Variants in CNTNAP2 observed in about 807,000 individuals in gnomAD.
CNTNAP2 encodes contactin-associated protein-like 2.
A neutral mutation model predicts 155.2 loss-of-function variants in CNTNAP2; 98 were observed. That is an observed-to-expected ratio of 0.63 (90% CI 0.54 to 0.75). CNTNAP2 has a LOEUF of 0.75. Among genes scored for constraint, CNTNAP2 ranks in the 30% least tolerant of loss-of-function variants. The pLI is 0.00. For synonymous variants in CNTNAP2, 651 were observed against 631.2 expected (o/e 1.03, Z -0.47); for missense variants, 1,727 against 1,688.1 (o/e 1.02, Z -0.40).
At chr7:148,222,941 TC>T (rs1260087123) in intron 19 of CNTNAP2, among the ~76,000 whole-genome samples, 1 of 152,204 alleles carries the variant, frequency 6.6e-6, no homozygotes, top group African/African-American at 2.4e-5. Context: ...TGTTTGCTCA[TC>T]CATAAAATAG....
chr7:147,866,526 G>A (rs6942554), intron 13 of CNTNAP2, among the ~76,000 whole-genome samples: 91,020 of 151,908 alleles, frequency 0.6, 27,577 homozygotes, highest in Middle Eastern at 0.7. Context: ...GGGTGTTAAA[G>A]TCTCCCATTA....
At chr7:147,969,924 TTTTATTTTA>T (rs1801303729) in intron 14 of CNTNAP2, among the ~76,000 whole-genome samples, 1 of 151,470 alleles carries the variant, frequency 6.6e-6, no homozygotes, top group Non-Finnish European at 1.5e-5. Context: ...TTTTATTTTA[TTTTATTTTA>T]TTTATTTTAT....
chr7:148,002,859 T>C (rs1801920905), intron 15 of CNTNAP2, among the ~76,000 whole-genome samples: 1 of 152,162 alleles, frequency 6.6e-6, no homozygotes, highest in Non-Finnish European at 1.5e-5. Context: ...ACCGGTACAC[T>C]TGTTATTTAA....
rs142810753 is a variant in CNTNAP2, at chr7:148,361,049, T to A, written c.3476-22600T>A. ...GTCTTGAACTCCTAACCTCAGGTGA[T>A]CACCCACCTCAACCTCTCAAAATGC... On this transcript the variant is annotated intron_variant, in intron 21 of 23. Coordinates refer to ENST00000361727, the MANE Select transcript of CNTNAP2 (RefSeq NM_014141.6). Among the ~76,000 whole-genome samples the A allele has an allele frequency of 2.3e-3, 344 of 152,220 alleles. 1 individual carries two copies. Among genetic ancestry groups the A allele is most frequent in the African/African-American group, 8.0e-3 (334 of 41,526 alleles).
intron 8 of CNTNAP2, chr7:147,167,413 T>C (rs763641621): frequency 1.5e-6 from 2 of 1,327,402 alleles, no homozygotes; most frequent in African/African-American, 1.5e-5. Flanking sequence ...AAGCCCTTCC[T>C]CTGGCTTGCT....
chr7:146,497,548 C>T (rs1797236978), intron 1 of CNTNAP2, among the ~76,000 whole-genome samples: 1 of 151,928 alleles, frequency 6.6e-6, no homozygotes, highest in Admixed American at 6.6e-5. Flanking sequence ...TTCACCCAAA[C>T]TTGTCTTCAT....
At position 146,790,728 on chromosome 7, in the gene CNTNAP2, C is replaced by G. The variant is rs949335348; in HGVS notation, c.208+16347C>G. Among the ~76,000 whole-genome samples, 3 of 152,100 alleles carry G rather than the reference C, an allele frequency of 2.0e-5. No homozygotes were observed. In the East Asian group the frequency reaches 5.8e-4, roughly 29 times the overall value. ...GGGACTACAGGCTCCCGCCACCACG[C>G]CTGGCTAATTTTTTGTATTTTTAGT... On this transcript the variant is annotated intron_variant, in intron 2 of 23. Coordinates refer to ENST00000361727, the MANE Select transcript of CNTNAP2 (RefSeq NM_014141.6).
chr7:146,969,741 T>C (rs1474509602), intron 3 of CNTNAP2, among the ~76,000 whole-genome samples: 3 of 152,058 alleles, frequency 2.0e-5, no homozygotes, highest in Non-Finnish European at 4.4e-5. Context: ...AAAAAGAGCC[T>C]GCATCGCCAA....
chr7:148,233,959 G>A (rs117925523), intron 20 of CNTNAP2, among the ~76,000 whole-genome samples: 2,074 of 152,226 alleles, frequency 0.014, 25 homozygotes, highest in Non-Finnish European at 0.023. Context: ...CTCCTTCTCA[G>A]GCCATGTAAG....
intron 13 of CNTNAP2, among the ~76,000 whole-genome samples, chr7:147,880,917 TA>T (rs1436503945): frequency 1.4e-5 from 2 of 146,640 alleles, no homozygotes; most frequent in African/African-American, 5.1e-5. Flanking sequence ...TAATCAGTCT[TA>T]GATGCCAGTG....
chr7:147,133,222 C>T (rs1264626876), intron 8 of CNTNAP2, among the ~76,000 whole-genome samples: 1 of 151,950 alleles, frequency 6.6e-6, no homozygotes, highest in African/African-American at 2.4e-5. Context: ...ATGTTATAAG[C>T]AAAGAAAAAT....
chr7:146,622,136 T>C (rs866659467), intron 1 of CNTNAP2, among the ~76,000 whole-genome samples: 5,038 of 137,502 alleles, frequency 0.037, 296 homozygotes, highest in African/African-American at 0.13. Flanking sequence ...TGTGTATATA[T>C]ATATATACAC....
chr7:146,856,734 A>G (rs1029834525), intron 3 of CNTNAP2, among the ~76,000 whole-genome samples: 5 of 152,210 alleles, frequency 3.3e-5, no homozygotes, highest in Non-Finnish European at 7.3e-5. Flanking sequence ...CCGTGCATGT[A>G]GTGTCCCATG....
intron 14 of CNTNAP2, among the ~76,000 whole-genome samples, chr7:147,972,924 G>T (rs943071001): frequency 6.6e-6 from 1 of 152,008 alleles, no homozygotes; most frequent in Non-Finnish European, 1.5e-5. Context: ...AGGCACAGTG[G>T]TTCACACCGT....
intron 3 of CNTNAP2, among the ~76,000 whole-genome samples, chr7:146,856,116 T>C (rs999963861): frequency 2.0e-5 from 3 of 151,850 alleles, no homozygotes; most frequent in Non-Finnish European, 4.4e-5. Flanking sequence ...CTTGAAATAA[T>C]TCATATTGGT....
intron 1 of CNTNAP2, among the ~76,000 whole-genome samples, chr7:146,632,822 T>C (rs1799531570): frequency 6.6e-6 from 1 of 151,990 alleles, no homozygotes; most frequent in Admixed American, 6.6e-5. Flanking sequence ...CATTAGAATT[T>C]ATAAAGATCC....
At position 147,016,931 on chromosome 7, in the gene CNTNAP2, GA is replaced by G. The variant is rs1308265708; in HGVS notation, c.403-26975del. On this transcript the variant is annotated intron_variant, in intron 3 of 23. Transcript: ENST00000361727. ...AATGTGTCCGGCCAATGGACACTCT[GA>G]GCACATAAACTACTGAAGGAAGAGA... is the stretch of plus-strand genomic sequence containing the variant. 2.0e-5 allele frequency among the ~76,000 whole-genome samples: 3 copies of G among 151,646 alleles called. No homozygotes were observed. In the East Asian group the frequency reaches 5.8e-4, roughly 29 times the overall value.
chr7:146,836,572 A>G (rs1458424904), intron 2 of CNTNAP2, among the ~76,000 whole-genome samples: 2 of 152,132 alleles, frequency 1.3e-5, no homozygotes, highest in Non-Finnish European at 2.9e-5. Context: ...CCTTTGTACT[A>G]TTGTAGTTGC....
intron 1 of CNTNAP2, among the ~76,000 whole-genome samples, chr7:146,659,286 T>C (rs1431556220): frequency 6.6e-6 from 1 of 152,072 alleles, no homozygotes; most frequent in Non-Finnish European, 1.5e-5. Context: ...GATAACCAAT[T>C]TAAATGGTCA....
Sources: allele counts gnomAD v4.1 joint callset (sites outside exome capture counted in the v4.1 genomes callset), GRCh38; gene constraint gnomAD v4.1.1; transcripts MANE v1.5; gene names NCBI Gene and HGNC (gene_info 2026-07-23, HGNC 2026-07-21).